SIK2: variants seen among roughly 807,000 people sequenced by gnomAD.
SIK2 encodes the protein serine/threonine-protein kinase SIK2.
In SIK2, 29 loss-of-function variants were observed where a neutral mutation model predicts 103.2. That is an observed-to-expected ratio of 0.28 (90% CI 0.21 to 0.38). The LOEUF is 0.38. Among genes scored for constraint, SIK2 ranks in the 10% least tolerant of loss-of-function variants. SIK2 has a pLI of 1.00. For missense variants in SIK2, 879 were observed against 1,171.0 expected, an observed-to-expected ratio of 0.75 and a Z score of 3.64; for synonymous variants, 412 against 446.1, an observed-to-expected ratio of 0.92 and a Z score of 0.96.
At position 111,705,349 on chromosome 11, in the gene SIK2, T is replaced by G. The variant is rs1943320063; in HGVS notation, c.1101+210T>G. Among the ~76,000 whole-genome samples, 1 of 152,252 alleles carries G rather than the reference T, an allele frequency of 6.6e-6. No homozygotes were observed. The highest frequency in any genetic ancestry group is 1.5e-5 in the Non-Finnish European group (1 of 68,034). ...TATTTCAAACAGTTTTTTAAAATTGTTTTCATCATTCACAATGTTGAGAAT... is the reference window on the plus strand; with the variant it reads ...TATTTCAAACAGTTTTTTAAAATTGGTTTCATCATTCACAATGTTGAGAAT... On this transcript the variant is annotated intron_variant, in intron 8 of 14. Transcript: ENST00000304987. The surrounding 1 kb of genome is among the most constrained non-coding windows in gnomAD (Gnocchi z 4.3).
intron 3 of SIK2, among the ~76,000 whole-genome samples, chr11:111,657,984 C>T (rs1439664818): frequency 2.0e-5 from 3 of 152,038 alleles, no homozygotes; most frequent in Middle Eastern, 6.3e-3. Context: ...TAATTAATTC[C>T]ATAGGCGTGG....
chr11:111,702,022 T>C (rs1158958058), intron 6 of SIK2, among the ~76,000 whole-genome samples: 1 of 152,236 alleles, frequency 6.6e-6, no homozygotes, highest in African/African-American at 2.4e-5. Flanking sequence ...GTTACCTAGA[T>C]AGCAGTTAAG....
chr11:111,650,588 A>G (rs1942315069), intron 3 of SIK2, among the ~76,000 whole-genome samples: 1 of 151,698 alleles, frequency 6.6e-6, no homozygotes, highest in Non-Finnish European at 1.5e-5. Context: ...ATATCTAAAA[A>G]TATATAAACA....
At chr11:111,649,849 C>A (rs1279500036) in intron 3 of SIK2, among the ~76,000 whole-genome samples, 2 of 152,060 alleles carry the variant, frequency 1.3e-5, no homozygotes, top group Non-Finnish European at 1.5e-5. Context: ...CTAACAAGAT[C>A]TTTTCTCCAG....
At chr11:111,612,656 C>G (rs982412701) in intron 1 of SIK2, among the ~76,000 whole-genome samples, 1 of 152,066 alleles carries the variant, frequency 6.6e-6, no homozygotes, top group Non-Finnish European at 1.5e-5. Context: ...GAATGGAGAC[C>G]GCCTTCAGGT....
intron 4 of SIK2, among the ~76,000 whole-genome samples, chr11:111,697,030 C>T (rs1943092205): frequency 6.6e-6 from 1 of 152,166 alleles, no homozygotes; most frequent in South Asian, 2.1e-4. Context: ...TTAACCCTGA[C>T]AATTATTAAC....
chr11:111,620,287 G>A, intron 2 of SIK2, 52 bp from the exon 3 acceptor site: 1 of 1,157,308 alleles, frequency 8.6e-7, no homozygotes, highest in African/African-American at 1.6e-5. Flanking sequence ...AGAATATTGT[G>A]GAAAATTCCA....
At chr11:111,604,005 CT>C (rs1280770922) in intron 1 of SIK2, among the ~76,000 whole-genome samples, 1 of 152,216 alleles carries the variant, frequency 6.6e-6, no homozygotes, top group Non-Finnish European at 1.5e-5. Flanking sequence ...GTCTTCTTTA[CT>C]TTTTGCCTTC....
At chr11:111,690,682 A>T (rs6589245) in intron 4 of SIK2, among the ~76,000 whole-genome samples, 16 of 149,988 alleles carry the variant, frequency 1.1e-4, no homozygotes, top group Admixed American at 2.0e-4. Flanking sequence ...TCATTGTTCA[A>T]CTCCCACTTA....
intron 3 of SIK2, among the ~76,000 whole-genome samples, chr11:111,643,389 A>G (rs1288652838): frequency 6.6e-6 from 1 of 152,144 alleles, no homozygotes; most frequent in Non-Finnish European, 1.5e-5. Flanking sequence ...ATGGGTTGAT[A>G]AATGCAGCAA....
chr11:111,612,915 GATATATAT>G (rs67675103), intron 1 of SIK2, among the ~76,000 whole-genome samples: 898 of 50,004 alleles, frequency 0.018, 32 homozygotes, highest in African/African-American at 0.052. Context: ...ATAGCAATGG[GATATATAT>G]ATATATATAT....
chr11:111,629,741 G>T (rs2135847804), intron 3 of SIK2, among the ~76,000 whole-genome samples: 1 of 152,210 alleles, frequency 6.6e-6, no homozygotes, highest in African/African-American at 2.4e-5. Context: ...AGTCATCAGA[G>T]AAATGCAAAT....
chr11:111,603,964 G>A (rs1234606997), intron 1 of SIK2, among the ~76,000 whole-genome samples: 1 of 152,178 alleles, frequency 6.6e-6, no homozygotes, highest in Admixed American at 6.5e-5. Flanking sequence ...GCTTAATCCC[G>A]TTTCCAAAAG....
intron 2 of SIK2, among the ~76,000 whole-genome samples, chr11:111,619,463 C>T (rs1319290173): frequency 6.6e-6 from 1 of 152,182 alleles, no homozygotes; most frequent in Non-Finnish European, 1.5e-5. Flanking sequence ...CCCACCTCAG[C>T]CTCCCAAGTA....
chr11:111,674,085 A>G (rs1455666770), intron 3 of SIK2, among the ~76,000 whole-genome samples: 1 of 148,688 alleles, frequency 6.7e-6, no homozygotes, highest in South Asian at 2.1e-4. Flanking sequence ...AAAAAAAAAG[A>G]AAAAAAGAAA....
intron 7 of SIK2, 61 bp downstream of exon 7, chr11:111,703,484 C>G: frequency 6.8e-7 from 1 of 1,464,724 alleles, no homozygotes; most frequent in Admixed American, 1.7e-5. Context: ...TTCATGCTCA[C>G]ACCTGTCATC....
Position 111,727,384 on chromosome 11 carries a change from C to T in SIK2, c.*3255C>T, listed in dbSNP as rs1652667773. On this transcript the variant is annotated 3_prime_UTR_variant, in exon 15 of 15. Coordinates refer to ENST00000304987, the MANE Select transcript of SIK2 (RefSeq NM_015191.3). The stretch of plus-strand genomic sequence containing the variant: ...TTCTTCCTCAGATATCAAGAACTCC[C>T]AAGTGTTTAAACCGTATGCTGGAGT... The T allele has an allele frequency of 5.3e-6, 2 of 376,096 alleles. No individual in the cohort carries two copies. Among genetic ancestry groups the T allele is most frequent in the East Asian group, 9.1e-5 (2 of 21,986 alleles). The allele number at this position is 376,096 out of a possible 1,614,324, so 23.3% of individuals were successfully genotyped here.
At chr11:111,719,037 A>G (rs1415416090) in intron 9 of SIK2, among the ~76,000 whole-genome samples, 1 of 152,238 alleles carries the variant, frequency 6.6e-6, no homozygotes, top group Non-Finnish European at 1.5e-5. Context: ...GATAGGAACC[A>G]TCGATAACGT....
intron 3 of SIK2, among the ~76,000 whole-genome samples, chr11:111,635,401 AAAGG>A (rs1314596364): frequency 3.9e-5 from 5 of 129,202 alleles, no homozygotes; most frequent in Non-Finnish European, 6.2e-5. Context: ...AGAAAGGGAG[AAAGG>A]AAGGAAGGAG....
Sources: gnomAD v4.1 joint callset for allele counts (sites outside exome capture counted in the v4.1 genomes callset) on GRCh38, gnomAD v4.1.1 for gene constraint, Gnocchi (gnomAD v3.1) non-coding constraint, MANE v1.5 for transcripts, NCBI Gene and HGNC (gene_info 2026-07-23, HGNC 2026-07-21) for gene names.